GRHL3: variants seen among roughly 807,000 people sequenced by gnomAD.
GRHL3 encodes grainyhead like transcription factor 3.
A neutral mutation model predicts 70.3 loss-of-function variants in GRHL3; 20 were observed. The observed-to-expected ratio is 0.28, with a 90% CI of 0.20 to 0.41. The LOEUF (loss-of-function observed/expected upper bound fraction) is 0.41. Among genes scored for constraint, GRHL3 ranks in the 10% least tolerant of loss-of-function variants. The pLI, the probability that GRHL3 is intolerant of heterozygous loss-of-function variation, is 1.00. For synonymous variants in GRHL3, 299 were observed against 299.9 expected, an observed-to-expected ratio of 1.00 and a Z score of 0.03; for missense variants, 637 against 762.3, an observed-to-expected ratio of 0.84 and a Z score of 1.94.
chr1:24,331,452 A>T lies in GRHL3; in HGVS notation c.44A>T (p.Asn15Ile). The stretch of plus-strand genomic sequence containing the variant: ...TTCAGGTCTGTGCGGCTGCTAAAGA[A>T]CGACCCAGTCAACTTGCAGAAATTC... ...LDFRSVRLLK[N>I]DPVNLQKFSY... Residue 15 changes from asparagine to isoleucine, a missense_variant, in exon 2 of 16, where the codon AAC becomes ATC. By Grantham distance (149) the Asn-to-Ile change is moderately radical. Coordinates refer to ENST00000361548, the MANE Select transcript of GRHL3 (RefSeq NM_198173.3). 1 of 1,613,474 alleles carries T rather than the reference A, an allele frequency of 6.2e-7. No homozygotes were observed. Among genetic ancestry groups the T allele is most frequent in the Non-Finnish European group, 8.5e-7 (1 of 1,179,634 alleles).
chr1:24,353,217 G>T (rs1054121865), intron 15 of GRHL3, among the ~76,000 whole-genome samples: 1 of 152,162 alleles, frequency 6.6e-6, no homozygotes, highest in South Asian at 2.1e-4. Flanking sequence ...GGGGTAATAT[G>T]AGGATTCATC....
intron 1 of GRHL3, among the ~76,000 whole-genome samples, chr1:24,325,210 G>A (rs1266976875): frequency 1.3e-5 from 2 of 152,170 alleles, no homozygotes; most frequent in African/African-American, 4.8e-5. Context: ...TTCTCTGGCT[G>A]AAGGGAAGTG....
In GRHL3 at chr1:24,334,290, C is replaced by T. The variant is rs180967084; in HGVS notation, c.205-355C>T. On this transcript the variant is annotated intron_variant, in intron 2 of 15. Transcript: ENST00000361548. This position sits in a 1 kb window ranked among gnomAD's most constrained non-coding sequence, Gnocchi z 4.3. ...TCACAGTTCAGCATGGCCAGGGAGG[C>T]GTCAGGAAACTTAAATCATGGAGGA... 3.2e-4 allele frequency among the ~76,000 whole-genome samples: 48 copies of T among 152,200 alleles called. 1 individual carries two copies. The highest frequency in any genetic ancestry group is 1.8e-3 in the Admixed American group (27 of 15,298).
intron 15 of GRHL3, 91 bp from the exon 16 acceptor site, chr1:24,354,283 T>C: frequency 2.5e-6 from 2 of 806,552 alleles, no homozygotes; most frequent in Non-Finnish European, 2.1e-6. Context: ...AGGTACCCAC[T>C]GGGTATGACC....
rs1639126790 is a variant in GRHL3, at chr1:24,320,188, G to A, written c.17+620G>A. ...GTACAAGAATGCTTTGTAGAATTCT[G>A]GAAAGAGTTAAGTGTGATAAATGCT... On this transcript the variant is annotated intron_variant, in intron 1 of 15. Coordinates refer to ENST00000361548, the MANE Select transcript of GRHL3 (RefSeq NM_198173.3). Among the ~76,000 whole-genome samples, 6 of 152,324 alleles carry A rather than the reference G, an allele frequency of 3.9e-5. No individual in the cohort carries two copies. In the South Asian group the frequency reaches 1.2e-3, roughly 32 times the overall value.
chr1:24,323,162 G>A (rs1639268180), intron 1 of GRHL3: 1 of 1,233,396 alleles, frequency 8.1e-7, no homozygotes, highest in East Asian at 2.5e-5. Context: ...ACAAACCTAT[G>A]TTACCTTTGG....
At chr1:24,339,250 T>C (rs1273145226) in intron 7 of GRHL3, among the ~76,000 whole-genome samples, 1 of 150,772 alleles carries the variant, frequency 6.6e-6, no homozygotes, top group Non-Finnish European at 1.5e-5. Context: ...AGAGAATGTA[T>C]GCCCCTGCCA....
intron 1 of GRHL3, chr1:24,323,222 G>A (rs1639269999): frequency 1.4e-6 from 1 of 728,944 alleles, no homozygotes; most frequent in African/African-American, 1.8e-5. Context: ...AGAACACCTA[G>A]AACAGTGTTC....
At position 24,343,620 on chromosome 1, in the gene GRHL3, G is replaced by T. The variant is rs546970258; in HGVS notation, c.1419+595G>T. On this transcript the variant is annotated intron_variant, in intron 11 of 15. Coordinates refer to ENST00000361548, the MANE Select transcript of GRHL3 (RefSeq NM_198173.3). ...ACTGAGCGCCTGGCAGCCAGGAGTG[G>T]GCTGGGTTCCCTGTTACAGCTGTCC... 3.9e-5 allele frequency among the ~76,000 whole-genome samples: 6 copies of T among 152,060 alleles called. No individual in the cohort carries two copies. In the South Asian group the frequency reaches 8.3e-4, roughly 21 times the overall value.
intron 4 of GRHL3, 65 bp downstream of exon 4, chr1:24,336,892 A>G: frequency 7.3e-7 from 1 of 1,376,774 alleles, no homozygotes; most frequent in Non-Finnish European, 1.0e-6. Flanking sequence ...ATGAGAGAAG[A>G]TAGTGAACAG....
At chr1:24,352,642 T>G (rs1242324805) in intron 15 of GRHL3, among the ~76,000 whole-genome samples, 2 of 152,186 alleles carry the variant, frequency 1.3e-5, no homozygotes, top group East Asian at 1.9e-4. Flanking sequence ...GCCTTCCAGC[T>G]GGTACATATC....
intron 13 of GRHL3, among the ~76,000 whole-genome samples, chr1:24,347,170 C>T (rs996114551): frequency 6.6e-6 from 1 of 152,152 alleles, no homozygotes; most frequent in Non-Finnish European, 1.5e-5. Flanking sequence ...AATGACTCTA[C>T]GAAACAGCGG....
At chr1:24,348,801 C>T (rs1640392775) in intron 14 of GRHL3, among the ~76,000 whole-genome samples, 1 of 152,212 alleles carries the variant, frequency 6.6e-6, no homozygotes, top group African/African-American at 2.4e-5. Flanking sequence ...CGTCTAAGAA[C>T]TCTCTTGCCA....
rs1640072459 is a variant in GRHL3, at chr1:24,342,235, C to T, written c.1168C>T (p.His390Tyr). 6.2e-7 allele frequency: 1 copy of T among 1,612,324 alleles called. No individual in the cohort carries two copies. Among genetic ancestry groups the T allele is most frequent in the African/African-American group, 1.3e-5 (1 of 74,896 alleles). ...DCGLGTERLV[H>Y]RAVCQIKIFC... The stretch of plus-strand genomic sequence containing the variant: ...TGGCTTGGGCACTGAGCGCCTGGTA[C>T]ACCGTGCTGTCTGCCAGATCAAGAT... The change falls in exon 9 of 16, where the codon CAC becomes TAC. Residue 390 changes from histidine to tyrosine, a missense_variant. By Grantham distance (83) the His-to-Tyr change is moderately conservative. Coordinates refer to ENST00000361548, the MANE Select transcript of GRHL3 (RefSeq NM_198173.3). This position sits in a 1 kb window ranked among gnomAD's most constrained non-coding sequence, Gnocchi z 4.8.
Position 24,334,127 on chromosome 1 carries a change from C to A in GRHL3, c.205-518C>A, listed in dbSNP as rs939954059. ...CCCACTCCCTGACTTGGGGCTCAGA[C>A]TAATCATAGCTAGAGCTCCAGCCAG... On this transcript the variant is annotated intron_variant, in intron 2 of 15. Coordinates refer to ENST00000361548, the MANE Select transcript of GRHL3 (RefSeq NM_198173.3). The surrounding 1 kb of genome is among the most constrained non-coding windows in gnomAD (Gnocchi z 4.3). 6.6e-6 allele frequency among the ~76,000 whole-genome samples: 1 copy of A among 152,142 alleles called. No individual in the cohort carries two copies. Among genetic ancestry groups the A allele is most frequent in the Non-Finnish European group, 1.5e-5 (1 of 68,042 alleles).
chr1:24,338,823 T>A (rs1639926422), intron 7 of GRHL3, among the ~76,000 whole-genome samples: 1 of 152,222 alleles, frequency 6.6e-6, no homozygotes, highest in Non-Finnish European at 1.5e-5. Flanking sequence ...ATTCTGCCTT[T>A]TATTAGCTGA....
rs984458345 is a variant in GRHL3 at position 24,342,328 on chromosome 1, C to T, written c.1206+55C>T. The T allele has an allele frequency of 6.8e-6, 10 of 1,465,682 alleles. No homozygotes were observed. The Admixed American group carries it at 8.3e-5, about 12-fold the overall frequency. 90.8% of individuals were successfully genotyped at this position (1,465,682 alleles called of 1,614,324 possible). On this transcript the variant is annotated intron_variant, in intron 9 of 15. Coordinates refer to ENST00000361548, the MANE Select transcript of GRHL3 (RefSeq NM_198173.3). This position sits in a 1 kb window ranked among gnomAD's most constrained non-coding sequence, Gnocchi z 4.8. ...GTCCCGGGGAGGTAGAAGGGCCAAA[C>T]CCTGACCCGTGCGTCCTCCTAGCTT... is the stretch of plus-strand genomic sequence containing the variant.
At chr1:24,338,156 G>A (rs546561450) in intron 7 of GRHL3, 53 bp downstream of exon 7, 343 of 1,209,484 alleles carry the variant, frequency 2.8e-4, no homozygotes, top group Admixed American at 4.5e-4. Context: ...CCCCACCCCC[G>A]CATCAATCAG....
In GRHL3 at chr1:24,319,393, A is replaced by G; in HGVS notation, c.-159A>G. ...CCTGTACCTGTAGCCAATCAGCGCC[A>G]GCGCTGCTGGGAACCTACCTGTCAG... On this transcript the variant is annotated 5_prime_UTR_variant, in exon 1 of 16. Coordinates refer to ENST00000361548, the MANE Select transcript of GRHL3 (RefSeq NM_198173.3). 2.6e-6 allele frequency: 2 copies of G among 777,286 alleles called. No homozygotes were observed. The highest frequency in any genetic ancestry group is 1.7e-5 in the African/African-American group (1 of 59,348). The allele number at this position is 777,286 out of a possible 1,614,324, so 48.1% of individuals were successfully genotyped here.
Sources: allele counts gnomAD v4.1 joint callset (sites outside exome capture counted in the v4.1 genomes callset), GRCh38; gene constraint gnomAD v4.1.1; non-coding constraint Gnocchi (gnomAD v3.1); transcripts MANE v1.5; gene names NCBI Gene and HGNC (gene_info 2026-07-23, HGNC 2026-07-21).